Variants in COL4A1 observed in about 807,000 individuals in gnomAD.
COL4A1 encodes the protein collagen alpha-1(IV) chain.
In COL4A1, 40 loss-of-function variants were observed where a neutral mutation model predicts 216.6. The observed-to-expected ratio is 0.18, with a 90% CI of 0.14 to 0.24. The LOEUF is 0.24. Ranked by LOEUF, COL4A1 falls within the 10% of genes least tolerant of loss-of-function variation. The pLI is 1.00. For synonymous variants in COL4A1, 839 were observed against 810.7 expected (o/e 1.03, Z -0.59); for missense variants, 1,628 against 2,196.8 (o/e 0.74, Z 5.18).
At chr13:110,175,984 C>G (rs1392085871) in intron 36 of COL4A1, among the ~76,000 whole-genome samples, 1 of 152,216 alleles carries the variant, frequency 6.6e-6, no homozygotes, top group Non-Finnish European at 1.5e-5. Context: ...GCTGCTCTCA[C>G]TACAATAGAC....
At chr13:110,277,519 G>GT (rs1351040422) in intron 1 of COL4A1, among the ~76,000 whole-genome samples, 2 of 152,162 alleles carry the variant, frequency 1.3e-5, no homozygotes, top group African/African-American at 4.8e-5. Context: ...CCTCAGCTGT[G>GT]TGTGGGACCC....
At chr13:110,156,924 A>G (rs1185749346) in intron 49 of COL4A1, among the ~76,000 whole-genome samples, 1 of 152,038 alleles carries the variant, frequency 6.6e-6, no homozygotes, top group Non-Finnish European at 1.5e-5. Context: ...TATTTTATTC[A>G]CCCAAATGCA....
At chr13:110,304,921 T>G (rs1000969828) in intron 1 of COL4A1, among the ~76,000 whole-genome samples, 2 of 152,214 alleles carry the variant, frequency 1.3e-5, no homozygotes, top group African/African-American at 4.8e-5. Context: ...ATCTTATCAT[T>G]CAAAATGTGC....
intron 22 of COL4A1, 79 bp downstream of exon 22, chr13:110,194,944 C>T (rs931847990): frequency 7.8e-7 from 1 of 1,284,482 alleles, no homozygotes; most frequent in Non-Finnish European, 1.1e-6. Context: ...CCCCACTTGG[C>T]TCCAAAGCCG....
intron 20 of COL4A1, among the ~76,000 whole-genome samples, chr13:110,200,299 T>A (rs1879126896): frequency 6.6e-6 from 1 of 152,326 alleles, no homozygotes; most frequent in South Asian, 2.1e-4. Context: ...AAGCGCAGTC[T>A]GCCAGGAAAC....
At chr13:110,170,997 C>T (rs1351849787) in intron 41 of COL4A1, among the ~76,000 whole-genome samples, 2 of 152,228 alleles carry the variant, frequency 1.3e-5, no homozygotes, top group Admixed American at 6.5e-5. Context: ...TCTCACGAGA[C>T]GTGTTCTATG....
chr13:110,215,568 AAAAAAAAAC>A (rs1028440344), intron 2 of COL4A1, among the ~76,000 whole-genome samples: 5 of 146,170 alleles, frequency 3.4e-5, no homozygotes, highest in African/African-American at 1.0e-4. Context: ...CTCAAAAAAA[AAAAAAAAAC>A]AACAACCCAT....
chr13:110,152,194 G>C (rs1876529583), intron 51 of COL4A1, 140 bp downstream of exon 51: 1 of 1,343,742 alleles, frequency 7.4e-7, no homozygotes, highest in Non-Finnish European at 1.0e-6. Flanking sequence ...TCGGTCATCT[G>C]CCCATGTCGA....
chr13:110,251,177 G>A (rs1033111846), intron 1 of COL4A1, among the ~76,000 whole-genome samples: 3 of 152,228 alleles, frequency 2.0e-5, no homozygotes, highest in Admixed American at 1.3e-4. Flanking sequence ...GTGCTGAAGG[G>A]CAGGGAGTTC....
intron 1 of COL4A1, among the ~76,000 whole-genome samples, chr13:110,269,738 C>T (rs560754727): frequency 5.7e-4 from 86 of 152,068 alleles, no homozygotes; most frequent in African/African-American, 2.0e-3. Flanking sequence ...ATCCCGATTG[C>T]ATGCCCTGGA....
intron 26 of COL4A1, 113 bp from the exon 27 acceptor site, chr13:110,183,389 GC>G: frequency 2.1e-6 from 2 of 961,436 alleles, no homozygotes; most frequent in Non-Finnish European, 3.2e-6. Context: ...CACCACGAGT[GC>G]CCGGAGAGCA....
At chr13:110,237,693 C>T (rs1313947631) in intron 2 of COL4A1, among the ~76,000 whole-genome samples, 1 of 152,232 alleles carries the variant, frequency 6.6e-6, no homozygotes, top group African/African-American at 2.4e-5. Flanking sequence ...CTGACACTCA[C>T]AAGCCAGGAT....
intron 29 of COL4A1, among the ~76,000 whole-genome samples, chr13:110,180,835 G>T (rs1002986111): frequency 6.6e-6 from 1 of 152,172 alleles, no homozygotes; most frequent in Non-Finnish European, 1.5e-5. Context: ...TAGGTGGAGG[G>T]AGGGCTGCTC....
Position 110,207,952 on chromosome 13 carries a change from A to G in COL4A1, c.694-463T>C, listed in dbSNP as rs1301811971. 6.6e-6 allele frequency among the ~76,000 whole-genome samples: 1 copy of G among 152,218 alleles called. No homozygotes were observed. ...GTACGCCTAAAAATTACAACTGCAT[A>G]CATTTCAGAGTCACTATATTTCAAA... is the stretch of plus-strand genomic sequence containing the variant. On this transcript the variant is annotated intron_variant, in intron 12 of 51. Coordinates refer to ENST00000375820, the MANE Select transcript of COL4A1 (RefSeq NM_001845.6). The surrounding 1 kb of genome is among the most constrained non-coding windows in gnomAD (Gnocchi z 4.4).
chr13:110,173,520 T>C (rs1877740444), intron 40 of COL4A1, among the ~76,000 whole-genome samples: 1 of 152,076 alleles, frequency 6.6e-6, no homozygotes, highest in African/African-American at 2.4e-5. Flanking sequence ...TTTCCAACCA[T>C]TTCCCCTCAA....
In COL4A1 at chr13:110,160,357, G is replaced by A. The variant is rs1283478014; in HGVS notation, c.4640+835C>T. ...CTCGGGAGGCTGAGGCAGGAGAATG[G>A]CGTGAACCCCGGGAAGCGGAGCTTG... is the stretch of plus-strand genomic sequence containing the variant. On this transcript the variant is annotated intron_variant, in intron 49 of 51. Transcript: ENST00000375820. Among the ~76,000 whole-genome samples, 6 of 35,608 alleles carry A rather than the reference G, an allele frequency of 1.7e-4. 1 individual carries two copies. The highest frequency in any genetic ancestry group is 3.9e-4 in the Non-Finnish European group (6 of 15,506). 23.4% of individuals were successfully genotyped at this position (35,608 alleles called of 152,430 possible).
intron 1 of COL4A1, among the ~76,000 whole-genome samples, chr13:110,303,772 C>T (rs115357730): frequency 6.6e-6 from 1 of 152,230 alleles, no homozygotes; most frequent in East Asian, 1.9e-4. Context: ...ATATTTCTCA[C>T]CTGACCTTCC....
intron 1 of COL4A1, among the ~76,000 whole-genome samples, chr13:110,254,875 T>C (rs1882441119): frequency 6.6e-6 from 1 of 152,234 alleles, no homozygotes; most frequent in African/African-American, 2.4e-5. Context: ...ACAGGCCTGC[T>C]ACTCTTACTC....
intron 2 of COL4A1, among the ~76,000 whole-genome samples, chr13:110,232,192 G>A (rs1881093502): frequency 6.6e-6 from 1 of 152,172 alleles, no homozygotes; most frequent in Non-Finnish European, 1.5e-5. Context: ...CCAAAGCTAA[G>A]CTATATGAAG....
Sources: gnomAD v4.1 joint callset for allele counts (sites outside exome capture counted in the v4.1 genomes callset) on GRCh38, gnomAD v4.1.1 for gene constraint, Gnocchi (gnomAD v3.1) non-coding constraint, MANE v1.5 for transcripts, NCBI Gene and HGNC (gene_info 2026-07-23, HGNC 2026-07-21) for gene names.